CCDC159: variants seen among roughly 807,000 people sequenced by gnomAD.
CCDC159 encodes coiled-coil domain-containing protein 159.
A neutral mutation model predicts 50.9 loss-of-function variants in CCDC159; 40 were observed. The observed-to-expected ratio is 0.79, with a 90% confidence interval of 0.61 to 1.02. The LOEUF is 1.02. Ranked by LOEUF, CCDC159 falls within the 50% of genes least tolerant of loss-of-function variation. The probability of loss-of-function intolerance (pLI) is 0.00; values close to 1 mark genes in which losing one functional copy is unlikely to be tolerated. For missense variants in CCDC159, 356 were observed against 371.5 expected, an observed-to-expected ratio of 0.96 and a Z score of 0.34; for synonymous variants, 146 against 138.9, an observed-to-expected ratio of 1.05 and a Z score of -0.36.
At chr19:11,347,487 C>T (rs779954393) in intron 1 of CCDC159, among the ~76,000 whole-genome samples, 9 of 152,146 alleles carry the variant, frequency 5.9e-5, no homozygotes, top group Non-Finnish European at 1.0e-4. Flanking sequence ...TGCGCCACCA[C>T]GCCTGGCTAA....
intron 1 of CCDC159, chr19:11,349,073 T>C (rs767701928): frequency 7.4e-7 from 1 of 1,345,520 alleles, no homozygotes; most frequent in Non-Finnish European, 9.8e-7. Flanking sequence ...GACTGCAGAC[T>C]GCAGGCCAGG....
intron 1 of CCDC159, 200 bp from the exon 2 acceptor site, chr19:11,349,454 A>G (rs1385975846): frequency 9.3e-6 from 6 of 643,110 alleles, no homozygotes; most frequent in South Asian, 3.8e-5. Flanking sequence ...TCTCAGCCAC[A>G]TAAGTGCACT....
At chr19:11,347,921 T>C (rs1967349407) in intron 1 of CCDC159, among the ~76,000 whole-genome samples, 1 of 152,198 alleles carries the variant, frequency 6.6e-6, no homozygotes, top group Non-Finnish European at 1.5e-5. Context: ...CCAATTCAGC[T>C]AACATTTATT....
At chr19:11,351,152 T>A in intron 5 of CCDC159, 149 bp downstream of exon 5, 6 of 769,572 alleles carry the variant, frequency 7.8e-6, no homozygotes, top group Non-Finnish European at 1.2e-5. Flanking sequence ...GAAGAGGGAA[T>A]GAGGCCGGGT....
At chr19:11,353,973 G>C (rs2144651122) in intron 9 of CCDC159, 99 bp downstream of exon 9, 6 of 931,066 alleles carry the variant, frequency 6.4e-6, no homozygotes. Context: ...CATCTGATGG[G>C]TGTTATTCTA....
At position 11,350,973 on chromosome 19, in the gene CCDC159, T is replaced by A. The variant is rs1036800137; in HGVS notation, c.392T>A (p.Leu131Gln). 14 of 1,552,796 alleles carry A rather than the reference T, an allele frequency of 9.0e-6. No homozygotes were observed. The highest frequency in any genetic ancestry group is 1.2e-5 in the Non-Finnish European group (14 of 1,148,190). Reference sequence around the variant, plus strand: ...CAGCGGGCCCGCACCACTCGCTGCCTGCAGCTGCTGGCCCAGGAGATCCGG... The same window carrying A: ...CAGCGGGCCCGCACCACTCGCTGCCAGCAGCTGCTGGCCCAGGAGATCCGG... Reference protein sequence around the residue: ...EMQRARTTRCLQLLAQEIRDS... With the variant: ...EMQRARTTRCQQLLAQEIRDS... The change falls in exon 5 of 11, where the codon CTG becomes CAG. Residue 131 changes from leucine (L) to glutamine (Q), a missense_variant. Physicochemically the swap from Leu to Gln is moderately radical, Grantham distance 113. Coordinates refer to ENST00000458408, the MANE Select transcript of CCDC159 (RefSeq NM_001080503.3).
chr19:11,350,285 G>C, intron 4 of CCDC159, 86 bp downstream of exon 4: 1 of 1,200,084 alleles, frequency 8.3e-7, no homozygotes, highest in South Asian at 1.3e-5. Context: ...AGGCCAAAGA[G>C]GTTGGATCAC....
At chr19:11,350,090 C>G in intron 3 of CCDC159, 28 bp from the exon 4 acceptor site, 1 of 1,612,778 alleles carries the variant, frequency 6.2e-7, no homozygotes, top group Non-Finnish European at 8.5e-7. Flanking sequence ...TCCTTCCTCC[C>G]ACCCCAAGGC....
rs1279511759 is a variant in CCDC159 at position 11,351,985 on chromosome 19, GAGCCCAC to G, written c.490+17_490+23del. 1.2e-6 allele frequency: 2 copies of G among 1,610,782 alleles called. No homozygotes were observed. The highest frequency in any genetic ancestry group is 1.7e-6 in the Non-Finnish European group (2 of 1,178,514). On this transcript the variant is annotated intron_variant, in intron 6 of 10. Transcript: ENST00000458408. ...CTATCAGAAGCTCCGTGAGTTCCTG[GAGCCCAC>G]AGCCGGTGTGTGGGGAGGGGGTCCT... is the stretch of plus-strand genomic sequence containing the variant.
Position 11,353,460 on chromosome 19 carries a change from A to G in CCDC159, c.577A>G (p.Lys193Glu). The stretch of plus-strand genomic sequence containing the variant: ...TCCCTCCCCACCCCAGATCCTGACC[A>G]AGATGAAGCAGCAGGGTCATGAGAC... Reference protein sequence around the residue: ...TQVKCRKILTKMKQQGHETAA... With the variant: ...TQVKCRKILTEMKQQGHETAA... Residue 193 changes from lysine (K) to glutamate (E), a missense_variant, in exon 8 of 11, where the codon AAG becomes GAG. By Grantham distance (56) the Lys-to-Glu change is moderately conservative. Transcript: ENST00000458408. 6.3e-7 allele frequency: 1 copy of G among 1,579,986 alleles called. No individual in the cohort carries two copies. The highest frequency in any genetic ancestry group is 1.9e-5 in the Admixed American group (1 of 53,862).
At chr19:11,352,746 C>T (rs1283266064) in intron 7 of CCDC159, among the ~76,000 whole-genome samples, 2 of 152,014 alleles carry the variant, frequency 1.3e-5, no homozygotes, top group Non-Finnish European at 2.9e-5. Context: ...GCCTAGGCAA[C>T]ATGGCAAAAC....
intron 5 of CCDC159, chr19:11,351,237 G>A (rs1967557130): frequency 6.4e-6 from 3 of 470,036 alleles, no homozygotes; most frequent in African/African-American, 4.0e-5. Flanking sequence ...AGGAGTTCGA[G>A]ACCAGCCTGG....
chr19:11,354,840 G>T (rs777710130), intron 10 of CCDC159, 33 bp from the exon 11 acceptor site: 1 of 1,613,034 alleles, frequency 6.2e-7, no homozygotes, highest in East Asian at 2.2e-5. Flanking sequence ...CCCTGGACCT[G>T]GCCAGGCCCT....
At position 11,350,967 on chromosome 19, in the gene CCDC159, G is replaced by T. The variant is rs1272887714; in HGVS notation, c.386G>T (p.Arg129Leu). ...SEEMQRARTT[R>L]CLQLLAQEIR... Reference sequence around the variant, plus strand: ...GAGATGCAGCGGGCCCGCACCACTCGCTGCCTGCAGCTGCTGGCCCAGGAG... The same window carrying T: ...GAGATGCAGCGGGCCCGCACCACTCTCTGCCTGCAGCTGCTGGCCCAGGAG... Residue 129 changes from arginine to leucine, a missense_variant, in exon 5 of 11, where the codon CGC (arginine) becomes CTC (leucine). Physicochemically the swap from Arg to Leu is moderately radical, Grantham distance 102. Coordinates refer to ENST00000458408, the MANE Select transcript of CCDC159 (RefSeq NM_001080503.3). 3 of 1,552,432 alleles carry T rather than the reference G, an allele frequency of 1.9e-6. No homozygotes were observed. Among genetic ancestry groups the T allele is most frequent in the Non-Finnish European group, 2.6e-6 (3 of 1,148,030 alleles).
intron 8 of CCDC159, 43 bp from the exon 9 acceptor site, chr19:11,353,749 G>A: frequency 1.9e-6 from 3 of 1,559,444 alleles, no homozygotes; most frequent in South Asian, 1.2e-5. Context: ...ACCCTGAGCA[G>A]TGTGGAGTCT....
chr19:11,354,190 C>T (rs1023737853), intron 9 of CCDC159, among the ~76,000 whole-genome samples: 2 of 152,092 alleles, frequency 1.3e-5, no homozygotes, highest in Admixed American at 1.3e-4. Flanking sequence ...CCAGCCTGGG[C>T]AACACAGTGA....
chr19:11,354,720 C>T, intron 10 of CCDC159, 24 bp downstream of exon 10: 4 of 1,606,436 alleles, frequency 2.5e-6, no homozygotes, highest in South Asian at 1.1e-5. Context: ...CCAGTCCCCC[C>T]CTCCACCCAT....
chr19:11,354,847 C>T (rs770524816), intron 10 of CCDC159, 26 bp from the exon 11 acceptor site: 1 of 1,613,196 alleles, frequency 6.2e-7, no homozygotes, highest in South Asian at 1.1e-5. Context: ...CCTGGCCAGG[C>T]CCTGACCCAC....
In CCDC159 at chr19:11,353,800, T is replaced by C; in HGVS notation, c.698T>C (p.Val233Ala). Residue 233 changes from valine to alanine, a missense_variant, in exon 9 of 11, where the codon GTG (valine) becomes GCG (alanine). Val to Ala is a moderately conservative substitution (Grantham distance 64). Coordinates refer to ENST00000458408, the MANE Select transcript of CCDC159 (RefSeq NM_001080503.3). ...TCCTTGTCTTCTTGCAGGTCTGCTG[T>C]GCACGTGCTGCAGAACTCCATAGAC... ...QKELSDIWSA[V>A]HVLQNSIDSL... 6.3e-7 allele frequency: 1 copy of C among 1,596,724 alleles called. No individual in the cohort carries two copies. Among genetic ancestry groups the C allele is most frequent in the Non-Finnish European group, 8.5e-7 (1 of 1,171,726 alleles).
Sources: gnomAD v4.1 joint callset for allele counts (sites outside exome capture counted in the v4.1 genomes callset) on GRCh38, gnomAD v4.1.1 for gene constraint, MANE v1.5 for transcripts, NCBI Gene and HGNC (gene_info 2026-07-23, HGNC 2026-07-21) for gene names.